The following UNC5C variants were observed in gnomAD, a reference collection of about 807,000 sequenced individuals.
UNC5C encodes unc-5 netrin receptor C.
In UNC5C, 47 loss-of-function variants were observed where a neutral mutation model predicts 99.8. The observed-to-expected ratio is 0.47, with a 90% confidence interval of 0.37 to 0.60. The LOEUF is 0.60. Ranked by LOEUF, UNC5C falls within the 20% of genes least tolerant of loss-of-function variation. UNC5C has a pLI of 0.00. For missense variants in UNC5C, 1,062 were observed against 1,165.9 expected, an observed-to-expected ratio of 0.91 and a Z score of 1.30; for synonymous variants, 487 against 452.2, an observed-to-expected ratio of 1.08 and a Z score of -0.98.
chr4:95,235,322 A>G (rs980956547), intron 7 of UNC5C, among the ~76,000 whole-genome samples: 10 of 152,192 alleles, frequency 6.6e-5, no homozygotes, highest in African/African-American at 2.4e-4. Flanking sequence ...TAGAAAGCAT[A>G]TAGGGTTGTT....
At chr4:95,512,451 G>A (rs1281514966) in intron 1 of UNC5C, among the ~76,000 whole-genome samples, 1 of 152,082 alleles carries the variant, frequency 6.6e-6, no homozygotes, top group South Asian at 2.1e-4. Flanking sequence ...CTCCCAGAAC[G>A]ATGTGTTATG....
intron 1 of UNC5C, among the ~76,000 whole-genome samples, chr4:95,454,931 C>T (rs988720346): frequency 1.3e-5 from 2 of 152,054 alleles, no homozygotes; most frequent in African/African-American, 2.4e-5. Context: ...AAATTAAGTG[C>T]ATGGGAAAGA....
At chr4:95,234,912 A>G (rs764453109) in intron 7 of UNC5C, among the ~76,000 whole-genome samples, 6 of 152,342 alleles carry the variant, frequency 3.9e-5, no homozygotes, top group Admixed American at 1.3e-4. Context: ...ACAATATCAC[A>G]TAATGAATCC....
At chr4:95,523,514 T>C (rs925687081) in intron 1 of UNC5C, among the ~76,000 whole-genome samples, 1 of 152,156 alleles carries the variant, frequency 6.6e-6, no homozygotes, top group African/African-American at 2.4e-5. Context: ...AACGTGTCTA[T>C]GCAACTGATT....
intron 1 of UNC5C, among the ~76,000 whole-genome samples, chr4:95,456,980 C>T (rs1236254754): frequency 2.0e-5 from 3 of 152,048 alleles, no homozygotes; most frequent in African/African-American, 4.8e-5. Context: ...TTTCTAAGTT[C>T]AATGTTCCCA....
chr4:95,470,702 A>G (rs1342719735), intron 1 of UNC5C, among the ~76,000 whole-genome samples: 1 of 152,168 alleles, frequency 6.6e-6, no homozygotes, highest in East Asian at 1.9e-4. Context: ...CAAAGTTTAT[A>G]CTTAACAAGC....
At chr4:95,296,079 TTCTC>T (rs1352159971) in intron 3 of UNC5C, among the ~76,000 whole-genome samples, 1 of 152,162 alleles carries the variant, frequency 6.6e-6, no homozygotes. Context: ...GGGCAAGACT[TTCTC>T]TCAAAAAATA....
intron 7 of UNC5C, among the ~76,000 whole-genome samples, chr4:95,237,761 G>A (rs1019804200): frequency 1.3e-5 from 2 of 152,120 alleles, no homozygotes; most frequent in Non-Finnish European, 2.9e-5. Flanking sequence ...AATAAATACT[G>A]AACAGACCCG....
intron 1 of UNC5C, among the ~76,000 whole-genome samples, chr4:95,340,998 C>T (rs192539088): frequency 2.6e-5 from 4 of 152,146 alleles, no homozygotes; most frequent in Admixed American, 2.0e-4. Flanking sequence ...CTAAAAAATA[C>T]TCAATGACTG....
At chr4:95,197,248 A>T (rs932516312) in intron 12 of UNC5C, among the ~76,000 whole-genome samples, 10 of 151,390 alleles carry the variant, frequency 6.6e-5, no homozygotes, top group Admixed American at 1.3e-4. Flanking sequence ...ACATTGGGGC[A>T]GTCTTTTTGC....
chr4:95,207,031 C>T (rs1737905271), intron 10 of UNC5C, among the ~76,000 whole-genome samples: 1 of 151,402 alleles, frequency 6.6e-6, no homozygotes, highest in East Asian at 2.0e-4. Context: ...TTGCCAGCAT[C>T]TCTTTGATCC....
At chr4:95,253,193 G>A (rs772455078) in intron 4 of UNC5C, among the ~76,000 whole-genome samples, 1 of 152,008 alleles carries the variant, frequency 6.6e-6, no homozygotes, top group Non-Finnish European at 1.5e-5. Context: ...CATACCTTTG[G>A]TTCATGGTTT....
intron 4 of UNC5C, 91 bp from the exon 5 acceptor site, chr4:95,250,758 G>T: frequency 7.7e-7 from 1 of 1,305,176 alleles, no homozygotes; most frequent in South Asian, 1.4e-5. Context: ...CTTGATCTTA[G>T]CCAAAAGGCC....
intron 2 of UNC5C, among the ~76,000 whole-genome samples, chr4:95,328,040 C>CTTTTTT (rs34794058): frequency 6.4e-4 from 55 of 85,594 alleles, no homozygotes; most frequent in South Asian, 1.6e-3. Context: ...CAGGCAACTT[C>CTTTTTT]TTTTTTTTTT....
chr4:95,449,084 A>G (rs174700), intron 1 of UNC5C, among the ~76,000 whole-genome samples: 141,869 of 152,098 alleles, frequency 0.93, 66,188 homozygotes, highest in Admixed American at 0.95. Flanking sequence ...AACAAATTAT[A>G]TCAACAAAAA....
chr4:95,251,295 A>T (rs1739717889), intron 4 of UNC5C, among the ~76,000 whole-genome samples: 1 of 152,130 alleles, frequency 6.6e-6, no homozygotes, highest in African/African-American at 2.4e-5. Context: ...ATTTTTTTTT[A>T]AGTTTTTCTA....
At chr4:95,186,611 G>T (rs1383605101) in intron 12 of UNC5C, among the ~76,000 whole-genome samples, 2 of 152,294 alleles carry the variant, frequency 1.3e-5, no homozygotes, top group East Asian at 1.9e-4. Flanking sequence ...CTGCTCGAAG[G>T]TCCTATAAGG....
intron 14 of UNC5C, among the ~76,000 whole-genome samples, chr4:95,177,499 T>C (rs1213902121): frequency 2.6e-5 from 4 of 152,188 alleles, no homozygotes; most frequent in African/African-American, 7.2e-5. Context: ...ACTGCCTGTG[T>C]GCCAGTGTTG....
At chr4:95,498,006 G>T (rs1472771521) in intron 1 of UNC5C, among the ~76,000 whole-genome samples, 4 of 151,904 alleles carry the variant, frequency 2.6e-5, no homozygotes, top group African/African-American at 4.8e-5. Context: ...AAATCTCAGA[G>T]ACTTGGGTTT....
Sources: gnomAD v4.1 joint callset for allele counts (sites outside exome capture counted in the v4.1 genomes callset) on GRCh38, gnomAD v4.1.1 for gene constraint, MANE v1.5 for transcripts, NCBI Gene and HGNC (gene_info 2026-07-23, HGNC 2026-07-21) for gene names.